Variants in PTPRJ observed in about 807,000 individuals in gnomAD.
PTPRJ encodes the protein protein tyrosine phosphatase receptor type J, also known as receptor-type tyrosine-protein phosphatase eta.
Under a neutral mutation model 141.3 loss-of-function variants are expected in PTPRJ, and 129 were observed. That is an observed-to-expected ratio of 0.91 (90% CI 0.79 to 1.06). The LOEUF (loss-of-function observed/expected upper bound fraction) is 1.06, where lower values mean the gene tolerates loss of function less well. Among genes scored for constraint, PTPRJ ranks in the 50% least tolerant of loss-of-function variants. The pLI is 0.00. For synonymous variants in PTPRJ, 610 were observed against 640.5 expected, an observed-to-expected ratio of 0.95 and a Z score of 0.72; for missense variants, 1,601 against 1,679.7, an observed-to-expected ratio of 0.95 and a Z score of 0.82.
At chr11:48,115,143 G>T (rs1294406230) in intron 3 of PTPRJ, among the ~76,000 whole-genome samples, 1 of 152,160 alleles carries the variant, frequency 6.6e-6, no homozygotes, top group Non-Finnish European at 1.5e-5. Flanking sequence ...CTTATTTAAA[G>T]AAATAGTAGC....
At chr11:48,007,942 G>A (rs1280791892) in intron 1 of PTPRJ, among the ~76,000 whole-genome samples, 1 of 152,222 alleles carries the variant, frequency 6.6e-6, no homozygotes, top group African/African-American at 2.4e-5. Context: ...ATCACTGTGA[G>A]CCCAGGTTCC....
In PTPRJ at chr11:48,155,764, G is replaced by C. The variant is rs372619278; in HGVS notation, c.3230-37G>C. ...TGTGTCCAACTTTACTAAAACATTT[G>C]CTTATAATGGGGACCTTTTTTCTTT... is the stretch of plus-strand genomic sequence containing the variant. On this transcript the variant is annotated intron_variant, in intron 19 of 24. Coordinates refer to ENST00000418331, the MANE Select transcript of PTPRJ (RefSeq NM_002843.4). The C allele has an allele frequency of 2.0e-6, 3 of 1,481,506 alleles. No homozygotes were observed. The African/African-American group carries it at 4.3e-5, about 21-fold the overall frequency. The allele number at this position is 1,481,506 out of a possible 1,614,324, so 91.8% of individuals were successfully genotyped here. A position where few individuals can be genotyped will look rare whatever the true frequency, so the allele number is the denominator to read the frequency against.
chr11:48,064,948 G>A (rs2134264849), intron 1 of PTPRJ, among the ~76,000 whole-genome samples: 1 of 149,482 alleles, frequency 6.7e-6, no homozygotes, highest in Admixed American at 6.7e-5. Context: ...TAGGGAAACT[G>A]AAGGAAGAGG....
intron 1 of PTPRJ, among the ~76,000 whole-genome samples, chr11:48,009,509 T>C (rs1042064464): frequency 5.9e-5 from 9 of 152,064 alleles, no homozygotes; most frequent in African/African-American, 2.2e-4. Flanking sequence ...GGCAGAAGGA[T>C]CACTTGAACC....
At chr11:48,005,221 T>TA (rs532611588) in intron 1 of PTPRJ, among the ~76,000 whole-genome samples, 88 of 142,028 alleles carry the variant, frequency 6.2e-4, no homozygotes, top group Middle Eastern at 3.5e-3. Context: ...GACTCTATCT[T>TA]AAAAAAAAAA....
At chr11:48,097,647 C>T (rs939686772) in intron 1 of PTPRJ, among the ~76,000 whole-genome samples, 19 of 151,784 alleles carry the variant, frequency 1.3e-4, no homozygotes, top group African/African-American at 4.6e-4. Flanking sequence ...AAGCAATTCT[C>T]CTGCCTCAGC....
intron 1 of PTPRJ, among the ~76,000 whole-genome samples, chr11:47,995,161 T>G (rs1854300012): frequency 1.3e-5 from 2 of 152,374 alleles, no homozygotes; most frequent in East Asian, 3.9e-4. Flanking sequence ...TTCAGTTGAC[T>G]TTGTGATCAG....
At chr11:48,119,260 C>T (rs1258730812) in intron 3 of PTPRJ, among the ~76,000 whole-genome samples, 1 of 152,202 alleles carries the variant, frequency 6.6e-6, no homozygotes, top group Non-Finnish European at 1.5e-5. Context: ...GCCACTCTGA[C>T]TCTGTGAACT....
At chr11:48,093,399 T>A (rs1428351455) in intron 1 of PTPRJ, among the ~76,000 whole-genome samples, 1 of 152,268 alleles carries the variant, frequency 6.6e-6, no homozygotes, top group Non-Finnish European at 1.5e-5. Context: ...TTTTATTATT[T>A]AAAACTTTTA....
chr11:48,049,646 G>A (rs1320186960), intron 1 of PTPRJ, among the ~76,000 whole-genome samples: 3 of 151,548 alleles, frequency 2.0e-5, no homozygotes, highest in Admixed American at 1.3e-4. Flanking sequence ...CCTGGGAGGT[G>A]GAGATTGCAG....
At chr11:48,120,934 T>C (rs1238713885) in intron 3 of PTPRJ, 69 bp from the exon 4 acceptor site, 8 of 1,376,036 alleles carry the variant, frequency 5.8e-6, no homozygotes, top group Middle Eastern at 2.3e-4. Flanking sequence ...ACTAGACATA[T>C]AGAGCAGACC....
chr11:48,159,701 T>A (rs1260149878), intron 21 of PTPRJ, among the ~76,000 whole-genome samples: 1 of 152,126 alleles, frequency 6.6e-6, no homozygotes, highest in Non-Finnish European at 1.5e-5. Context: ...GGTGGTAGTG[T>A]GCTATGATCT....
chr11:48,007,483 A>G (rs907536686), intron 1 of PTPRJ, among the ~76,000 whole-genome samples: 1 of 150,854 alleles, frequency 6.6e-6, no homozygotes, highest in Non-Finnish European at 1.5e-5. Context: ...TCTTGGTGCA[A>G]CCTCCGTCTC....
At chr11:47,983,150 G>C (rs1853957562) in intron 1 of PTPRJ, among the ~76,000 whole-genome samples, 1 of 152,106 alleles carries the variant, frequency 6.6e-6, no homozygotes, top group Non-Finnish European at 1.5e-5. Flanking sequence ...TGGGAACCTG[G>C]GTCACCGGCC....
rs780681267 is a variant in PTPRJ at position 48,136,173 on chromosome 11, A to G, written c.1750A>G (p.Thr584Ala). ...AGAGTCCAAGCATGGCTCTAACCAC[A>G]CAAGCACGTATGACAAAGCGATTAC... ...VIESKHGSNH[T>A]STYDKAITLQ... Residue 584 changes from threonine (T) to alanine (A), a missense_variant, in exon 9 of 25, where the codon ACA becomes GCA. By Grantham distance (58) the Thr-to-Ala change is moderately conservative (BLOSUM62 0). Coordinates refer to ENST00000418331, the MANE Select transcript of PTPRJ (RefSeq NM_002843.4). The G allele has an allele frequency of 3.1e-5, 50 of 1,614,018 alleles. No individual in the cohort carries two copies. Among genetic ancestry groups the G allele is most frequent in the Non-Finnish European group, 3.0e-5 (35 of 1,180,030 alleles).
intron 20 of PTPRJ, 36 bp from the exon 21 acceptor site, chr11:48,155,949 C>CT (rs1312400799): frequency 6.2e-7 from 1 of 1,604,174 alleles, no homozygotes; most frequent in Non-Finnish European, 8.5e-7. Context: ...CTTTCTGTTT[C>CT]TTTGAGGTTG....
At chr11:48,020,327 A>T (rs765130474) in intron 1 of PTPRJ, among the ~76,000 whole-genome samples, 1 of 152,218 alleles carries the variant, frequency 6.6e-6, no homozygotes, top group Non-Finnish European at 1.5e-5. Context: ...TGAGTCAGTT[A>T]TCTCAGCTGG....
chr11:48,133,058 G>T (rs1354326435), intron 8 of PTPRJ, among the ~76,000 whole-genome samples: 2 of 152,190 alleles, frequency 1.3e-5, no homozygotes, highest in African/African-American at 4.8e-5. Flanking sequence ...AATATAATAT[G>T]CTGGGGGTCT....
intron 1 of PTPRJ, among the ~76,000 whole-genome samples, chr11:48,027,238 A>T (rs1853840988): frequency 6.6e-6 from 1 of 150,884 alleles, no homozygotes. Context: ...TGATCTCCTG[A>T]CCTTGTCATC....
Sources: allele counts gnomAD v4.1 joint callset (sites outside exome capture counted in the v4.1 genomes callset), GRCh38; gene constraint gnomAD v4.1.1; transcripts MANE v1.5; gene names NCBI Gene and HGNC (gene_info 2026-07-23, HGNC 2026-07-21).